The following NKAIN4 variants were observed in gnomAD, a reference collection of about 807,000 sequenced individuals.
NKAIN4 encodes the protein sodium/potassium transporting ATPase interacting 4, also known as sodium/potassium-transporting ATPase subunit beta-1-interacting protein 4.
In NKAIN4, 28 loss-of-function variants were observed where a neutral mutation model predicts 28.8. The observed-to-expected ratio is 0.97, with a 90% CI of 0.72 to 1.33. The LOEUF (loss-of-function observed/expected upper bound fraction) is 1.33. NKAIN4 is among the 40% of genes most tolerant of loss of function. NKAIN4 has a pLI of 0.00. For synonymous variants in NKAIN4, 122 were observed against 115.6 expected (o/e 1.06, Z -0.36); for missense variants, 289 against 277.2 (o/e 1.04, Z -0.30).
In NKAIN4 at chr20:63,252,419, C is replaced by A. The variant is rs2066976657; in HGVS notation, c.54+1978G>T. ...AAGGCGCTCAGAAGAGATGCCTGGG[C>A]CCTTTGTCCTGTAGCTTGGTAACAC... On this transcript the variant is annotated intron_variant, in intron 1 of 6. Coordinates refer to ENST00000370316, the MANE Select transcript of NKAIN4 (RefSeq NM_152864.4). The surrounding 1 kb of genome is among the most constrained non-coding windows in gnomAD (Gnocchi z 4.6). Among the ~76,000 whole-genome samples, 1 of 152,102 alleles carries A rather than the reference C, an allele frequency of 6.6e-6. No individual in the cohort carries two copies. The highest frequency in any genetic ancestry group is 6.5e-5 in the Admixed American group (1 of 15,284).
At chr20:63,248,968 G>A (rs578193744) in intron 2 of NKAIN4, 73 bp from the exon 3 acceptor site, 1 of 1,028,844 alleles carries the variant, frequency 9.7e-7, no homozygotes, top group East Asian at 2.5e-5. Flanking sequence ...CAGCCCCCGG[G>A]GGAAGGGGTC....
rs966790596 is a variant in NKAIN4, at chr20:63,247,778, A to T, written c.274-3T>A. On this transcript the variant is annotated splice_region_variant and splice_polypyrimidine_tract_variant and intron_variant, in intron 3 of 6. Transcript: ENST00000370316. ...CTGAAGGTCAGTAGCTCGCTGTCCT[A>T]GGGGAGAGGTGCAGGAGCAGGGCCG... The T allele has an allele frequency of 6.9e-7, 1 of 1,448,708 alleles. No individual in the cohort carries two copies. Among genetic ancestry groups the T allele is most frequent in the African/African-American group, 1.4e-5 (1 of 70,114 alleles). The allele number at this position is 1,448,708 out of a possible 1,614,324, so 89.7% of individuals were successfully genotyped here. A position where few individuals can be genotyped will look rare whatever the true frequency, so the allele number is the denominator to read the frequency against.
intron 4 of NKAIN4, chr20:63,247,320 A>G (rs2066877193): frequency 7.0e-7 from 1 of 1,433,500 alleles, no homozygotes; most frequent in Non-Finnish European, 9.2e-7. Context: ...CCCACAGCAA[A>G]CACCACGCTC....
In NKAIN4 at chr20:63,248,918, C is replaced by T. The variant is rs112504587; in HGVS notation, c.193-23G>A. 505 of 1,575,282 alleles carry T rather than the reference C, an allele frequency of 3.2e-4. 1 individual carries two copies. The African/African-American group carries it at 6.0e-3, about 19-fold the overall frequency. On this transcript the variant is annotated intron_variant, in intron 2 of 6. Coordinates refer to ENST00000370316, the MANE Select transcript of NKAIN4 (RefSeq NM_152864.4). ...GTACTAGGGAGAGGAGAGGATGGGGCGGCAGCTGAACACAGCTCCCGGGCA... is the reference window on the plus strand; with the variant it reads ...GTACTAGGGAGAGGAGAGGATGGGGTGGCAGCTGAACACAGCTCCCGGGCA...
chr20:63,253,621 G>T, intron 1 of NKAIN4: 1 of 643,268 alleles, frequency 1.6e-6, no homozygotes, highest in Non-Finnish European at 1.9e-6. Context: ...GCCTGGACAG[G>T]CGAGGCCTTT....
intron 4 of NKAIN4, 178 bp downstream of exon 4, chr20:63,247,400 G>A: frequency 6.5e-7 from 1 of 1,532,636 alleles, no homozygotes; most frequent in Non-Finnish European, 8.7e-7. Flanking sequence ...TGAGGTGCCA[G>A]CCACATGGGA....
In NKAIN4 at chr20:63,247,672, G is replaced by T. The variant is rs566900551; in HGVS notation, c.377C>A (p.Ala126Asp). 95 of 1,543,138 alleles carry T rather than the reference G, an allele frequency of 6.2e-5. No homozygotes were observed. The highest frequency in any genetic ancestry group is 4.2e-4 in the Admixed American group (21 of 50,044). Residue 126 changes from alanine (A) to aspartate (D), a missense_variant, in exon 4 of 7, where the codon GCC becomes GAC. Coordinates refer to ENST00000370316, the MANE Select transcript of NKAIN4 (RefSeq NM_152864.4). Reference protein sequence around the residue: ...HEEVPAVGLGAPHGQALVSGA... With the variant: ...HEEVPAVGLGDPHGQALVSGA... ...TGACACCAGGGCCTGGCCATGGGGG[G>T]CCCCGAGGCCCACTGCTGGCACCTC...
chr20:63,254,054 C>A, intron 1 of NKAIN4: 1 of 294,128 alleles, frequency 3.4e-6, no homozygotes, highest in Non-Finnish European at 6.5e-6. Context: ...CACCCGGGGC[C>A]ACACACGCCT....
intron 4 of NKAIN4, chr20:63,246,595 A>G: frequency 1.0e-6 from 1 of 985,382 alleles, no homozygotes; most frequent in Non-Finnish European, 1.2e-6. Flanking sequence ...GCCGCCGGCC[A>G]TGGAGCCTCG....
chr20:63,254,654 G>A (rs1416217374), upstream of NKAIN4: 3 of 395,266 alleles, frequency 7.6e-6, no homozygotes, highest in Non-Finnish European at 1.3e-5. Flanking sequence ...GCCCCTGGGG[G>A]CTTCGCGCCG....
At chr20:63,250,174 T>TC (rs2066931956) in intron 1 of NKAIN4, 102 bp from the exon 2 acceptor site, 10 of 1,330,648 alleles carry the variant, frequency 7.5e-6, no homozygotes, top group Non-Finnish European at 9.1e-6. Flanking sequence ...AGGGACTTCC[T>TC]CCCCACACCC....
chr20:63,246,019 C>T (rs1385798798), intron 4 of NKAIN4, among the ~76,000 whole-genome samples: 3 of 152,054 alleles, frequency 2.0e-5, no homozygotes, highest in Admixed American at 1.3e-4. Context: ...GCTCTGCCTC[C>T]CGGGTTCATG....
intron 1 of NKAIN4, 46 bp from the exon 2 acceptor site, chr20:63,250,118 C>T (rs2066931256): frequency 6.6e-7 from 1 of 1,518,492 alleles, no homozygotes; most frequent in East Asian, 2.5e-5. Context: ...GAGGGAGGCC[C>T]CAGGCCCGCC....
rs76984019 is a variant in NKAIN4, at chr20:63,247,720, C to A, written c.329G>T (p.Arg110Leu). 1,748 of 1,506,774 alleles carry A rather than the reference C, an allele frequency of 1.2e-3. 16 individuals are homozygous for A. The African/African-American group carries it at 0.022, about 19-fold the overall frequency. 93.3% of individuals were successfully genotyped at this position (1,506,774 alleles called of 1,614,324 possible). A position where few individuals can be genotyped will look rare whatever the true frequency, so the allele number is the denominator to read the frequency against. The change falls in exon 4 of 7, where the codon CGC (arginine) becomes CTC (leucine). Residue 110 changes from arginine (R) to leucine (L), a missense_variant. Transcript: ENST00000370316. ...LSRHRSWWRE[R>L]WPGCLHEEVP... ...CTCCTCATGCAGACAGCCTGGCCAG[C>A]GCTCACGCCACCAGGAGCGATGCCG...
chr20:63,241,534 G>T, intron 6 of NKAIN4, 28 bp from the exon 7 acceptor site: 1 of 1,548,742 alleles, frequency 6.5e-7, no homozygotes. Context: ...GAGAGCACCT[G>T]GGGGAACAGG....
At chr20:63,242,479 C>T (rs1418469934) in intron 6 of NKAIN4, 60 bp downstream of exon 6, 7 of 1,223,250 alleles carry the variant, frequency 5.7e-6, no homozygotes, top group East Asian at 4.6e-5. Flanking sequence ...GGCAGCCTCT[C>T]GCTGTGAGGG....
In NKAIN4 at chr20:63,252,886, GC is replaced by G. The variant is rs2123135719; in HGVS notation, c.54+1510del. On this transcript the variant is annotated intron_variant, in intron 1 of 6. Coordinates refer to ENST00000370316, the MANE Select transcript of NKAIN4 (RefSeq NM_152864.4). The surrounding 1 kb of genome is among the most constrained non-coding windows in gnomAD (Gnocchi z 4.6). ...GGTCACATCCGACCAGCACAGTCGT[GC>G]CTCACCCTGCACCTGAGACTGAAGC... is the stretch of plus-strand genomic sequence containing the variant. Among the ~76,000 whole-genome samples, 1 of 152,206 alleles carries G rather than the reference GC, an allele frequency of 6.6e-6. No individual in the cohort carries two copies. Among genetic ancestry groups the G allele is most frequent in the African/African-American group, 2.4e-5 (1 of 41,522 alleles).
At chr20:63,250,142 G>A in intron 1 of NKAIN4, 70 bp from the exon 2 acceptor site, 1 of 1,483,914 alleles carries the variant, frequency 6.7e-7, no homozygotes, top group Non-Finnish European at 9.0e-7. Context: ...CAGGTACTGG[G>A]CCAAGGTGAC....
At chr20:63,247,359 G>A (rs750626232) in intron 4 of NKAIN4, 47 of 1,509,040 alleles carry the variant, frequency 3.1e-5, no homozygotes, top group East Asian at 2.0e-4. Context: ...GGTTGGCCCC[G>A]CCTGGGGGAG....
Sources: gnomAD v4.1 joint callset for allele counts (sites outside exome capture counted in the v4.1 genomes callset) on GRCh38, gnomAD v4.1.1 for gene constraint, Gnocchi (gnomAD v3.1) non-coding constraint, MANE v1.5 for transcripts, NCBI Gene and HGNC (gene_info 2026-07-23, HGNC 2026-07-21) for gene names.